The following CHRNA5 variants were observed in gnomAD, a reference collection of about 807,000 sequenced individuals.
CHRNA5 encodes neuronal acetylcholine receptor subunit alpha-5.
Under a neutral mutation model 41.2 loss-of-function variants are expected in CHRNA5, and 28 were observed. The ratio of observed to expected loss-of-function variants is 0.68; its 90% CI spans 0.50 to 0.93. The LOEUF (loss-of-function observed/expected upper bound fraction) is 0.93. Ranked by LOEUF, CHRNA5 falls within the 40% of genes least tolerant of loss-of-function variation. The pLI is 0.00. For synonymous variants in CHRNA5, 188 were observed against 205.8 expected (o/e 0.91, Z 0.74); for missense variants, 481 against 581.9 (o/e 0.83, Z 1.78).
chr15:78,588,805 G>A lies in CHRNA5; in HGVS notation c.413+382G>A, dbSNP rs754987610. ...TCTAGTTGTGTTTAAATACTGTATC[G>A]TCATTTTCCCACAATGAGGAATGCT... On this transcript the variant is annotated intron_variant, in intron 4 of 5. Coordinates refer to ENST00000299565, the Ensembl canonical transcript of CHRNA5. The surrounding 1 kb of genome is among the most constrained non-coding windows in gnomAD (Gnocchi z 4.1). 2.0e-5 allele frequency among the ~76,000 whole-genome samples: 3 copies of A among 151,728 alleles called. No individual in the cohort carries two copies. Among genetic ancestry groups the A allele is most frequent in the African/African-American group, 4.8e-5 (2 of 41,318 alleles).
At chr15:78,576,458 T>C (rs1052771634) in intron 1 of CHRNA5, among the ~76,000 whole-genome samples, 1 of 152,152 alleles carries the variant, frequency 6.6e-6, no homozygotes, top group East Asian at 1.9e-4. Context: ...AGTCAACTAT[T>C]TTTAAGACAA....
At chr15:78,573,396 GA>G in intron 1 of CHRNA5, among the ~76,000 whole-genome samples, 1 of 152,332 alleles carries the variant, frequency 6.6e-6, no homozygotes, top group East Asian at 1.9e-4. Flanking sequence ...TTATAAGTAT[GA>G]TATAATAAGG....
chr15:78,585,720 C>T (rs569902889), intron 2 of CHRNA5, among the ~76,000 whole-genome samples: 4 of 151,812 alleles, frequency 2.6e-5, no homozygotes, highest in South Asian at 2.1e-4. Flanking sequence ...AAAGTAGGCA[C>T]GAAAAGCTTT....
chr15:78,572,544 C>T (rs925896059), intron 1 of CHRNA5, among the ~76,000 whole-genome samples: 3 of 152,002 alleles, frequency 2.0e-5, no homozygotes, highest in African/African-American at 7.3e-5. Context: ...AGTTCAGTGG[C>T]GTGATCTCGG....
chr15:78,577,436 A>C (rs983777824), intron 1 of CHRNA5, among the ~76,000 whole-genome samples: 1 of 152,234 alleles, frequency 6.6e-6, no homozygotes, highest in Non-Finnish European at 1.5e-5. Context: ...ACTGCTGTAA[A>C]GTGTCCTAAG....
chr15:78,567,185 G>T (rs1345214292), intron 1 of CHRNA5, among the ~76,000 whole-genome samples: 1 of 151,612 alleles, frequency 6.6e-6, no homozygotes, highest in Non-Finnish European at 1.5e-5. Flanking sequence ...CCCGAGAGGC[G>T]GAGGTTACAG....
chr15:78,592,237 A>C (rs1395739459), intron 5 of CHRNA5, among the ~76,000 whole-genome samples: 1 of 152,166 alleles, frequency 6.6e-6, no homozygotes, highest in Non-Finnish European at 1.5e-5. Flanking sequence ...CAGAAGAATC[A>C]CTTAAACTTG....
chr15:78,586,113 A>G (rs1455780415), intron 2 of CHRNA5, among the ~76,000 whole-genome samples: 2 of 152,102 alleles, frequency 1.3e-5, no homozygotes, highest in African/African-American at 2.4e-5. Context: ...GTTTCTGTCT[A>G]GCAGACCTAC....
intron 2 of CHRNA5, among the ~76,000 whole-genome samples, chr15:78,585,730 T>G (rs2052953183): frequency 6.6e-6 from 1 of 152,078 alleles, no homozygotes; most frequent in South Asian, 2.1e-4. Flanking sequence ...CGAAAAGCTT[T>G]ATGAAATTCG....
intron 2 of CHRNA5, among the ~76,000 whole-genome samples, chr15:78,583,222 T>C (rs2052929123): frequency 6.6e-6 from 1 of 152,200 alleles, no homozygotes; most frequent in Non-Finnish European, 1.5e-5. Context: ...AAAGCAGTAC[T>C]TTCAGAAGAT....
Position 78,588,859 on chromosome 15 carries a change from C to T in CHRNA5, c.413+436C>T, listed in dbSNP as rs1202450548. Among the ~76,000 whole-genome samples the T allele has an allele frequency of 6.6e-6, 1 of 150,536 alleles. No homozygotes were observed. The highest frequency in any genetic ancestry group is 1.5e-5 in the Non-Finnish European group (1 of 67,856). On this transcript the variant is annotated intron_variant, in intron 4 of 5. Coordinates refer to ENST00000299565, the Ensembl canonical transcript of CHRNA5. This position sits in a 1 kb window ranked among gnomAD's most constrained non-coding sequence, Gnocchi z 4.1. Reference sequence around the variant, plus strand: ...TTAATTATCAATTCATCTTTAGAGGCATCCTACCTAGGTGTGTTTTGAGGA... The same window carrying T: ...TTAATTATCAATTCATCTTTAGAGGTATCCTACCTAGGTGTGTTTTGAGGA...
At chr15:78,585,791 C>T (rs144883516) in intron 2 of CHRNA5, among the ~76,000 whole-genome samples, 72 of 130,594 alleles carry the variant, frequency 5.5e-4, no homozygotes, top group East Asian at 2.1e-3. Context: ...TCTTTTCTTT[C>T]TTTTTTTTTT....
intron 1 of CHRNA5, among the ~76,000 whole-genome samples, chr15:78,578,060 A>G (rs950679139): frequency 1.3e-5 from 2 of 152,336 alleles, no homozygotes; most frequent in African/African-American, 4.8e-5. Flanking sequence ...TTGAAGCTCT[A>G]AAATTAATGG....
At chr15:78,593,870 G>C (rs200751877) in exon 6 of CHRNA5, 9 of 151,120 alleles carry the variant, frequency 6.0e-5, no homozygotes, top group African/African-American at 2.2e-4. Flanking sequence ...GAGAAACCCC[G>C]TCTCTACTAA....
chr15:78,586,816 C>A, intron 3 of CHRNA5, 127 bp downstream of exon 3: 2 of 708,598 alleles, frequency 2.8e-6, no homozygotes, highest in Non-Finnish European at 4.9e-6. Flanking sequence ...GACTATATGG[C>A]CTTGGTGGAT....
intron 1 of CHRNA5, among the ~76,000 whole-genome samples, chr15:78,569,705 TTA>T (rs2052782868): frequency 1.3e-5 from 2 of 152,124 alleles, no homozygotes; most frequent in Non-Finnish European, 2.9e-5. Flanking sequence ...AGTGCTGGGA[TTA>T]CAGGTGTGAG....
intron 1 of CHRNA5, among the ~76,000 whole-genome samples, chr15:78,578,754 A>G (rs1338256663): frequency 6.6e-6 from 1 of 152,210 alleles, no homozygotes; most frequent in Non-Finnish European, 1.5e-5. Context: ...GAGAAGAACA[A>G]TCACTTGCTA....
intron 2 of CHRNA5, among the ~76,000 whole-genome samples, chr15:78,585,809 G>A (rs2052956020): frequency 5.9e-5 from 2 of 34,080 alleles, no homozygotes; most frequent in Non-Finnish European, 1.2e-4. Context: ...TTTTGAGATG[G>A]AGTCTCGCTG....
intron 1 of CHRNA5, 31 bp from the exon 2 acceptor site, chr15:78,580,780 G>A (rs1391648897): frequency 4.4e-6 from 7 of 1,577,936 alleles, no homozygotes; most frequent in Non-Finnish European, 6.1e-6. Context: ...AGAGAAGCGA[G>A]TACATTAACT....
Sources: gnomAD v4.1 joint callset for allele counts (sites outside exome capture counted in the v4.1 genomes callset) on GRCh38, gnomAD v4.1.1 for gene constraint, Gnocchi (gnomAD v3.1) non-coding constraint, MANE v1.5 for transcripts, NCBI Gene and HGNC (gene_info 2026-07-23, HGNC 2026-07-21) for gene names.